The following DAP3 variants were observed in gnomAD, a reference collection of about 807,000 sequenced individuals.
DAP3 encodes small ribosomal subunit protein mS29.
DAP3 carries 28 observed loss-of-function variants against 51.9 expected under a neutral mutation model. The ratio of observed to expected loss-of-function variants is 0.54; its 90% CI spans 0.40 to 0.74. DAP3 has a LOEUF of 0.74. Among genes scored for constraint, DAP3 ranks in the 30% least tolerant of loss-of-function variants. DAP3 has a pLI of 0.00. For synonymous variants in DAP3, 170 were observed against 170.3 expected (o/e 1.00, Z 0.01); for missense variants, 458 against 483.5 (o/e 0.95, Z 0.49).
At chr1:155,689,673 G>A (rs1359294993) in intron 1 of DAP3, 4 of 328,486 alleles carry the variant, frequency 1.2e-5, no homozygotes, top group Non-Finnish European at 2.4e-5. Context: ...CAGCACTTTG[G>A]GAGGCCGAGG....
In DAP3 at chr1:155,721,545, A is replaced by C; in HGVS notation, c.197A>C (p.Gln66Pro). The C allele has an allele frequency of 6.2e-7, 1 of 1,614,064 alleles. No homozygotes were observed. The change falls in exon 4 of 13, where the codon CAG (glutamine) becomes CCG (proline). Residue 66 changes from glutamine to proline, a missense_variant. Coordinates refer to ENST00000368336, the MANE Select transcript of DAP3 (RefSeq NM_004632.4). ...PAKHGDQHEG[Q>P]HYNISPQDLE... ...AAGCATGGGGATCAGCACGAGGGTC[A>C]GCACTACAACATCTCCCCCCAGGAT...
Position 155,729,230 on chromosome 1 carries a change from C to G in DAP3, c.707C>G (p.Ala236Gly). The G allele has an allele frequency of 6.2e-7, 1 of 1,614,126 alleles. No homozygotes were observed. Among genetic ancestry groups the G allele is most frequent in the Non-Finnish European group, 8.5e-7 (1 of 1,180,028 alleles). The change falls in exon 9 of 13, where the codon GCC (alanine) becomes GGC (glycine). Residue 236 changes from alanine (A) to glycine (G), a missense_variant. Ala to Gly is a moderately conservative substitution (Grantham distance 60). Transcript: ENST00000368336. ...TAGGGCATAACACGGGTGAGGAACG[C>G]CACAGATGCAGTTGGAATTGTGCTG... The part of the protein sequence containing the change: ...VEQGITRVRN[A>G]TDAVGIVLKE...
At chr1:155,731,818 A>G (rs1418762889) in intron 10 of DAP3, 126 bp from the exon 11 acceptor site, 21 of 871,862 alleles carry the variant, frequency 2.4e-5, no homozygotes, top group Non-Finnish European at 3.6e-5. Flanking sequence ...TTGCCATTTA[A>G]CTGTGCTAGA....
chr1:155,727,460 C>T (rs1658728099), intron 6 of DAP3, 148 bp from the exon 7 acceptor site: 1 of 778,368 alleles, frequency 1.3e-6, no homozygotes, highest in Non-Finnish European at 1.8e-6. Flanking sequence ...CAGAGCAAGA[C>T]CCTGTCTCAA....
Position 155,700,632 on chromosome 1 carries a change from C to T in DAP3, c.-7-9141C>T, listed in dbSNP as rs563659300. On this transcript the variant is annotated intron_variant, in intron 1 of 12. Coordinates refer to ENST00000368336, the MANE Select transcript of DAP3 (RefSeq NM_004632.4). ...GAGGTGAGGGGCGCCTCGGCCCGGC[C>T]GCCCCTACTGGGAAGTGAGGAGCCC... Among the ~76,000 whole-genome samples the T allele has an allele frequency of 6.9e-3, 987 of 143,774 alleles. 4 individuals are homozygous for T. The highest frequency in any genetic ancestry group is 0.01 in the Non-Finnish European group (669 of 65,364). The allele number at this position is 143,774 out of a possible 152,430, so 94.3% of individuals were successfully genotyped here. A position where few individuals can be genotyped will look rare whatever the true frequency, so the allele number is the denominator to read the frequency against.
intron 5 of DAP3, 108 bp downstream of exon 5, chr1:155,725,598 C>G: frequency 9.5e-7 from 1 of 1,057,050 alleles, no homozygotes; most frequent in Non-Finnish European, 1.4e-6. Flanking sequence ...CATGGTAGCT[C>G]ACACCTATAA....
intron 4 of DAP3, among the ~76,000 whole-genome samples, chr1:155,724,581 C>T (rs1185260188): frequency 6.8e-6 from 1 of 146,652 alleles, no homozygotes; most frequent in Non-Finnish European, 1.5e-5. Flanking sequence ...TGCAGTGAGC[C>T]GAGATCACAC....
chr1:155,717,138 T>C lies in DAP3; in HGVS notation c.168+10T>C, dbSNP rs775041378. On this transcript the variant is annotated intron_variant, in intron 3 of 12. Coordinates refer to ENST00000368336, the MANE Select transcript of DAP3 (RefSeq NM_004632.4). ...CAATGAGAATGACCCGGTGAGTTAC[T>C]AATATGTATATGGGGTTTCTCAGGG... 6.2e-7 allele frequency: 1 copy of C among 1,613,630 alleles called. No individual in the cohort carries two copies. The highest frequency in any genetic ancestry group is 8.5e-7 in the Non-Finnish European group (1 of 1,179,888).
chr1:155,724,640 G>GA (rs936826529), intron 4 of DAP3, among the ~76,000 whole-genome samples: 9,564 of 90,916 alleles, frequency 0.11, 956 homozygotes, highest in African/African-American at 0.29. Context: ...CTCAAAAAAA[G>GA]AAAAAAAAAA....
intron 1 of DAP3, among the ~76,000 whole-genome samples, chr1:155,697,018 T>G (rs1654609924): frequency 6.6e-6 from 1 of 152,202 alleles, no homozygotes; most frequent in Admixed American, 6.5e-5. Flanking sequence ...TCTACCATAC[T>G]TTTTTTAAAA....
chr1:155,704,377 A>G (rs1309567213), intron 1 of DAP3, among the ~76,000 whole-genome samples: 1 of 152,174 alleles, frequency 6.6e-6, no homozygotes, highest in African/African-American at 2.4e-5. Context: ...AAAGAAGTGC[A>G]TCTGGACCAT....
chr1:155,702,836 G>C lies in DAP3; in HGVS notation c.-7-6937G>C, dbSNP rs145468276. Among the ~76,000 whole-genome samples the C allele has an allele frequency of 7.0e-4, 107 of 152,260 alleles. No homozygotes were observed. In the East Asian group the frequency reaches 8.5e-3, roughly 12 times the overall value. On this transcript the variant is annotated intron_variant, in intron 1 of 12. Transcript: ENST00000368336. ...ATACAAAAAATTAGCCAGGCGTGGT[G>C]GTGGGCACCTGTAATCCCAGCTACT...
chr1:155,692,312 C>G (rs1451075865), intron 1 of DAP3, among the ~76,000 whole-genome samples: 1 of 141,728 alleles, frequency 7.1e-6, no homozygotes, highest in Non-Finnish European at 1.5e-5. Context: ...CTTTCCACAA[C>G]TTACTGTCCC....
intron 11 of DAP3, among the ~76,000 whole-genome samples, chr1:155,732,885 G>T (rs370722800): frequency 6.6e-6 from 1 of 152,118 alleles, no homozygotes; most frequent in Non-Finnish European, 1.5e-5. Flanking sequence ...TTAGCCAGGC[G>T]TCGTGGCGCG....
At chr1:155,720,659 CA>C (rs773750802) in intron 3 of DAP3, among the ~76,000 whole-genome samples, 16 of 150,650 alleles carry the variant, frequency 1.1e-4, no homozygotes, top group Admixed American at 4.7e-4. Context: ...AAAAAAAAAA[CA>C]AAACAAACAA....
upstream of DAP3, chr1:155,688,715 C>G (rs1280634802): frequency 1.3e-6 from 2 of 1,520,196 alleles, no homozygotes; most frequent in Non-Finnish European, 1.8e-6. Flanking sequence ...CCCCCTCCCT[C>G]CCCGCCCGCA....
intron 6 of DAP3, 94 bp downstream of exon 6, chr1:155,726,113 C>CTT (rs377658512): frequency 9.4e-3 from 6,313 of 670,334 alleles, no homozygotes; most frequent in Non-Finnish European, 0.011. Context: ...CTTTTCTTTT[C>CTT]TTTTTTTTTT....
At chr1:155,701,565 T>G (rs1316994532) in intron 1 of DAP3, among the ~76,000 whole-genome samples, 1 of 123,484 alleles carries the variant, frequency 8.1e-6, no homozygotes, top group African/African-American at 3.3e-5. Flanking sequence ...GTCCTCTGCC[T>G]AGGAAAACCA....
intron 7 of DAP3, among the ~76,000 whole-genome samples, chr1:155,727,999 G>A (rs923495422): frequency 2.0e-5 from 3 of 151,870 alleles, no homozygotes; most frequent in African/African-American, 4.8e-5. Context: ...TCAAGGTACA[G>A]CCTCCAATCC....
Sources: allele counts gnomAD v4.1 joint callset (sites outside exome capture counted in the v4.1 genomes callset), GRCh38; gene constraint gnomAD v4.1.1; transcripts MANE v1.5; gene names NCBI Gene and HGNC (gene_info 2026-07-23, HGNC 2026-07-21).